Variants in BCAS3 observed in about 807,000 individuals in gnomAD.
BCAS3 encodes the protein BCAS3 microtubule associated cell migration factor, also known as BCAS4/BCAS3 fusion.
A neutral mutation model predicts 116.1 loss-of-function variants in BCAS3; 53 were observed. That is an observed-to-expected ratio of 0.46 (90% CI 0.37 to 0.57). The LOEUF (loss-of-function observed/expected upper bound fraction) is 0.57. Ranked by LOEUF, BCAS3 falls within the 20% of genes least tolerant of loss-of-function variation. The probability of loss-of-function intolerance (pLI) is 0.00; values close to 1 mark genes in which losing one functional copy is unlikely to be tolerated. For synonymous variants in BCAS3, 391 were observed against 408.2 expected (o/e 0.96, Z 0.51); for missense variants, 917 against 1,165.4 (o/e 0.79, Z 3.10).
chr17:61,277,290 G>A lies in BCAS3; in HGVS notation c.2426-91037G>A, dbSNP rs140190189. Among the ~76,000 whole-genome samples, 149 of 144,532 alleles carry A rather than the reference G, an allele frequency of 1.0e-3. 1 individual carries two copies. Among genetic ancestry groups the A allele is most frequent in the African/African-American group, 3.5e-3 (141 of 39,888 alleles). The allele number at this position is 144,532 out of a possible 152,430, so 94.8% of individuals were successfully genotyped here. Reference sequence around the variant, plus strand: ...AAAAAAAAAAAAAAAAAAAGGTGGTGATGAGACAACTGAATATCCACATGA... The same window carrying A: ...AAAAAAAAAAAAAAAAAAAGGTGGTAATGAGACAACTGAATATCCACATGA... On this transcript the variant is annotated intron_variant, in intron 22 of 23. Coordinates refer to ENST00000407086, the MANE Select transcript of BCAS3 (RefSeq NM_017679.5).
chr17:60,897,275 C>A (rs1042000443), intron 10 of BCAS3, among the ~76,000 whole-genome samples: 4 of 152,138 alleles, frequency 2.6e-5, no homozygotes, highest in Non-Finnish European at 5.9e-5. Context: ...AAGAAATCTA[C>A]AGTTAATGTG....
In BCAS3 at chr17:61,370,337, G is replaced by A. The variant is rs1235586715; in HGVS notation, c.2593+1843G>A. Among the ~76,000 whole-genome samples, 4 of 150,802 alleles carry A rather than the reference G, an allele frequency of 2.7e-5. No individual in the cohort carries two copies. In the South Asian group the frequency reaches 8.4e-4, roughly 32 times the overall value. ...AACTGTCACCAAAAGGAATTTAGTTGGTTTTCTCTGACCATATTCGATGTA... is the reference window on the plus strand; with the variant it reads ...AACTGTCACCAAAAGGAATTTAGTTAGTTTTCTCTGACCATATTCGATGTA... On this transcript the variant is annotated intron_variant, in intron 23 of 23. Coordinates refer to ENST00000407086, the MANE Select transcript of BCAS3 (RefSeq NM_017679.5).
intron 2 of BCAS3, among the ~76,000 whole-genome samples, chr17:60,680,071 T>C (rs2032766391): frequency 6.7e-6 from 1 of 149,390 alleles, no homozygotes; most frequent in Admixed American, 6.7e-5. Context: ...GAGGTGGAAC[T>C]TGCAGTGAGC....
intron 14 of BCAS3, among the ~76,000 whole-genome samples, chr17:60,988,182 G>A (rs1422579542): frequency 1.5e-5 from 2 of 133,620 alleles, no homozygotes; most frequent in Non-Finnish European, 3.0e-5. Flanking sequence ...CCACTTGGTT[G>A]TGATTTTTTT....
At chr17:61,234,057 AGAGGGTGCCATTCATT>A (rs1217475779) in intron 22 of BCAS3, among the ~76,000 whole-genome samples, 9 of 152,118 alleles carry the variant, frequency 5.9e-5, no homozygotes, top group African/African-American at 1.9e-4. Context: ...TTAAGCTAGT[AGAGGGTGCCATTCATT>A]GATATTAAAG....
At position 61,077,613 on chromosome 17, in the gene BCAS3, T is replaced by C. The variant is rs377755828; in HGVS notation, c.2131-720T>C. On this transcript the variant is annotated intron_variant, in intron 20 of 23. Coordinates refer to ENST00000407086, the MANE Select transcript of BCAS3 (RefSeq NM_017679.5). This position sits in a 1 kb window ranked among gnomAD's most constrained non-coding sequence, Gnocchi z 4.3. ...AATTCATAAAGCATTTTGGTATTAC[T>C]GTTTTGTAGCACATCAAATGCCTGT... Among the ~76,000 whole-genome samples the C allele has an allele frequency of 5.9e-5, 9 of 152,350 alleles. No individual in the cohort carries two copies. The East Asian group carries it at 1.5e-3, about 26-fold the overall frequency.
chr17:60,828,180 A>G (rs763856372), intron 7 of BCAS3, among the ~76,000 whole-genome samples: 1 of 152,224 alleles, frequency 6.6e-6, no homozygotes, highest in Non-Finnish European at 1.5e-5. Flanking sequence ...ACCAAAAGGG[A>G]AAGAACATCT....
chr17:61,030,183 ATTC>A (rs2066528788), intron 16 of BCAS3, among the ~76,000 whole-genome samples: 1 of 152,084 alleles, frequency 6.6e-6, no homozygotes, highest in African/African-American at 2.4e-5. Context: ...AATATTGACT[ATTC>A]TTTTATGTTT....
At chr17:60,996,345 T>G (rs1382580833) in intron 15 of BCAS3, among the ~76,000 whole-genome samples, 1 of 152,170 alleles carries the variant, frequency 6.6e-6, no homozygotes, top group Non-Finnish European at 1.5e-5. Flanking sequence ...TTGTTTATAG[T>G]GAAGACTGTG....
At position 61,270,175 on chromosome 17, in the gene BCAS3, G is replaced by A. The variant is rs1443625302; in HGVS notation, c.2426-98152G>A. On this transcript the variant is annotated intron_variant, in intron 22 of 23. Coordinates refer to ENST00000407086, the MANE Select transcript of BCAS3 (RefSeq NM_017679.5). ...GGCTCTGTCACCCAGGCTAGAGTGC[G>A]ATGGTGCGATCCCGGCTTACCGCAA... Among the ~76,000 whole-genome samples, 3 of 142,326 alleles carry A rather than the reference G, an allele frequency of 2.1e-5. No individual in the cohort carries two copies. The East Asian group carries it at 6.2e-4, about 30-fold the overall frequency. 93.4% of individuals were successfully genotyped at this position (142,326 alleles called of 152,430 possible).
At chr17:61,129,949 C>G (rs1601465446) in intron 22 of BCAS3, among the ~76,000 whole-genome samples, 1 of 152,306 alleles carries the variant, frequency 6.6e-6, no homozygotes, top group South Asian at 2.1e-4. Context: ...CTGTACTTAA[C>G]AAAGACTGCC....
At chr17:60,696,099 G>A (rs999316060) in intron 4 of BCAS3, among the ~76,000 whole-genome samples, 1 of 152,148 alleles carries the variant, frequency 6.6e-6, no homozygotes, top group African/African-American at 2.4e-5. Context: ...TACAATCAAA[G>A]AGGAAAAAGT....
chr17:61,200,066 A>G lies in BCAS3; in HGVS notation c.2425+115502A>G, dbSNP rs2080732382. On this transcript the variant is annotated intron_variant, in intron 22 of 23. Transcript: ENST00000407086. This position sits in a 1 kb window ranked among gnomAD's most constrained non-coding sequence, Gnocchi z 5.1. ...ATCCAAAAAGATGATTTTAAATAGAAACATGCTTGGGAAAAATTTAGCAAA... is the reference window on the plus strand; with the variant it reads ...ATCCAAAAAGATGATTTTAAATAGAGACATGCTTGGGAAAAATTTAGCAAA... 6.6e-6 allele frequency among the ~76,000 whole-genome samples: 1 copy of G among 152,212 alleles called. No individual in the cohort carries two copies.
At chr17:60,751,563 A>G (rs1192706762) in intron 6 of BCAS3, among the ~76,000 whole-genome samples, 1 of 136,448 alleles carries the variant, frequency 7.3e-6, no homozygotes, top group East Asian at 2.0e-4. Context: ...TTTTTTTGAG[A>G]TGGAGTTTCA....
rs2076169362 is a variant in BCAS3 at position 61,128,660 on chromosome 17, T to G, written c.2425+44096T>G. ...AGAAACTGTTAGCCCTCTTTTGTATTGTTTCTGCATCGTCCTGTCAAACAT... is the reference window on the plus strand; with the variant it reads ...AGAAACTGTTAGCCCTCTTTTGTATGGTTTCTGCATCGTCCTGTCAAACAT... On this transcript the variant is annotated intron_variant, in intron 22 of 23. Transcript: ENST00000407086. This position sits in a 1 kb window ranked among gnomAD's most constrained non-coding sequence, Gnocchi z 4.1. 10 of 915,656 alleles carry G rather than the reference T, an allele frequency of 1.1e-5. No individual in the cohort carries two copies. Among genetic ancestry groups the G allele is most frequent in the Non-Finnish European group, 1.3e-5 (10 of 766,518 alleles). The allele number at this position is 915,656 out of a possible 1,614,324, so 56.7% of individuals were successfully genotyped here.
At chr17:60,911,119 C>CTT (rs1567849303) in intron 12 of BCAS3, among the ~76,000 whole-genome samples, 362 of 35,056 alleles carry the variant, frequency 0.01, 19 homozygotes, top group African/African-American at 0.03. Flanking sequence ...TTCTTTTTTT[C>CTT]TTTCTTTTTT....
chr17:60,975,319 C>A (rs2062263576), intron 14 of BCAS3, among the ~76,000 whole-genome samples: 1 of 152,174 alleles, frequency 6.6e-6, no homozygotes, highest in Non-Finnish European at 1.5e-5. Flanking sequence ...TTTGTTTAAC[C>A]CAACCCCAGA....
chr17:61,152,023 C>G (rs564385963), intron 22 of BCAS3, among the ~76,000 whole-genome samples: 1 of 152,278 alleles, frequency 6.6e-6, no homozygotes, highest in African/African-American at 2.4e-5. Context: ...AGTAGTGTGT[C>G]TGGAGTTGGT....
intron 5 of BCAS3, among the ~76,000 whole-genome samples, chr17:60,711,133 GTATC>G (rs1276472271): frequency 6.7e-6 from 1 of 149,868 alleles, no homozygotes; most frequent in African/African-American, 2.5e-5. Context: ...ATATTATTAA[GTATC>G]TAAGATGTGG....
Sources: allele counts gnomAD v4.1 joint callset (sites outside exome capture counted in the v4.1 genomes callset), GRCh38; gene constraint gnomAD v4.1.1; non-coding constraint Gnocchi (gnomAD v3.1); transcripts MANE v1.5; gene names NCBI Gene and HGNC (gene_info 2026-07-23, HGNC 2026-07-21).